Variants in ARID1A observed in about 807,000 individuals in gnomAD.
ARID1A encodes the protein AT-rich interaction domain 1A, also known as AT-rich interactive domain-containing protein 1A.
In ARID1A, 20 loss-of-function variants were observed where a neutral mutation model predicts 212.6. The ratio of observed to expected loss-of-function variants is 0.09; its 90% CI spans 0.07 to 0.14. ARID1A has a LOEUF of 0.14. Among genes scored for constraint, ARID1A ranks in the 10% least tolerant of loss-of-function variants. The pLI is 1.00. For synonymous variants in ARID1A, 1,376 were observed against 1,222.1 expected (o/e 1.13, Z -2.63); for missense variants, 2,587 against 3,059.0 (o/e 0.85, Z 3.64).
Position 26,763,211 on chromosome 1 carries a change from A to G in ARID1A, c.2658A>G (p.Pro886=), listed in dbSNP as rs1225579252. 2 of 1,614,030 alleles carry G rather than the reference A, an allele frequency of 1.2e-6. No homozygotes were observed. Among genetic ancestry groups the G allele is most frequent in the Non-Finnish European group, 1.7e-6 (2 of 1,179,878 alleles). ...PPQVGSGMCP[P]PGGMNRKTQE... ...AGGTTGGGTCAGGGATGTGTCCCCC[A>G]CCAGGGGGCATGAACCGGAAAACCC... The change falls in exon 8 of 20, where the codon CCA becomes CCG. Residue 886 remains proline, a synonymous_variant. Transcript: ENST00000324856.
In ARID1A at chr1:26,781,366, T is replaced by A. The variant is rs145352087; in HGVS notation, c.*610T>A. On this transcript the variant is annotated 3_prime_UTR_variant, in exon 20 of 20. Transcript: ENST00000324856. The stretch of plus-strand genomic sequence containing the variant: ...TACTGTACACCTGATACTGTAAACA[T>A]ACTGTAATAATAATGTCTCACATGG... The A allele has an allele frequency of 9.5e-4, 221 of 233,122 alleles. No individual in the cohort carries two copies. Among genetic ancestry groups the A allele is most frequent in the African/African-American group, 4.7e-3 (212 of 45,270 alleles). The allele number at this position is 233,122 out of a possible 1,614,324, so 14.4% of individuals were successfully genotyped here.
intron 4 of ARID1A, among the ~76,000 whole-genome samples, chr1:26,742,130 G>A (rs1375266247): frequency 6.6e-6 from 1 of 152,184 alleles, no homozygotes; most frequent in Non-Finnish European, 1.5e-5. Context: ...GAAAGACATG[G>A]ACAATCTGAT....
chr1:26,701,462 G>A (rs535224973), intron 1 of ARID1A, among the ~76,000 whole-genome samples: 2 of 152,250 alleles, frequency 1.3e-5, no homozygotes, highest in South Asian at 4.1e-4. Flanking sequence ...TGTGTGTTGC[G>A]TTAGTGGTAA....
chr1:26,766,070 C>T, intron 8 of ARID1A, 151 bp from the exon 9 acceptor site: 1 of 832,524 alleles, frequency 1.2e-6, no homozygotes, highest in Non-Finnish European at 1.8e-6. Flanking sequence ...AAAATAATAT[C>T]TGGATGTTGC....
At chr1:26,756,847 T>TG (rs2080943071) in intron 4 of ARID1A, among the ~76,000 whole-genome samples, 1 of 151,460 alleles carries the variant, frequency 6.6e-6, no homozygotes, top group South Asian at 2.1e-4. Flanking sequence ...GGACCATGGG[T>TG]GCCCGTCACC....
intron 1 of ARID1A, among the ~76,000 whole-genome samples, chr1:26,709,370 A>G (rs2080427240): frequency 6.6e-6 from 1 of 151,890 alleles, no homozygotes; most frequent in Non-Finnish European, 1.5e-5. Context: ...AATCTACCTC[A>G]CATTCTCCTC....
In ARID1A at chr1:26,696,527, G is replaced by C; in HGVS notation, c.124G>C (p.Ala42Pro). 8.1e-7 allele frequency: 1 copy of C among 1,227,760 alleles called. No individual in the cohort carries two copies. The highest frequency in any genetic ancestry group is 1.0e-6 in the Non-Finnish European group (1 of 987,272). The allele number at this position is 1,227,760 out of a possible 1,614,324, so 76.1% of individuals were successfully genotyped here. A position where few individuals can be genotyped will look rare whatever the true frequency, so the allele number is the denominator to read the frequency against. Reference sequence around the variant, plus strand: ...GGAGGCGGGGGGCGAGGCGGCGGCGGCGGCAGCGGCCGAGCGCGGGGAAAT... The same window carrying C: ...GGAGGCGGGGGGCGAGGCGGCGGCGCCGGCAGCGGCCGAGCGCGGGGAAAT... ...REEAGGEAAA[A>P]AAAERGEMKA... Residue 42 changes from alanine to proline, a missense_variant, in exon 1 of 20, where the codon GCG (alanine) becomes CCG (proline). By Grantham distance (27) the Ala-to-Pro change is conservative (BLOSUM62 -1). Transcript: ENST00000324856.
rs192385553 is a variant in ARID1A, at chr1:26,710,750, G to A, written c.1137+13210G>A. Among the ~76,000 whole-genome samples the A allele has an allele frequency of 3.6e-3, 550 of 152,272 alleles. 3 individuals carry two copies. The highest frequency in any genetic ancestry group is 0.013 in the African/African-American group (524 of 41,554). On this transcript the variant is annotated intron_variant, in intron 1 of 19. Transcript: ENST00000324856. Reference sequence around the variant, plus strand: ...GATTTATACATTTACACTCAACTGGGCTGCAGAGTATATCCAGATTACCTG... The same window carrying A: ...GATTTATACATTTACACTCAACTGGACTGCAGAGTATATCCAGATTACCTG...
chr1:26,770,978 C>T, intron 11 of ARID1A, 141 bp from the exon 12 acceptor site: 1 of 727,974 alleles, frequency 1.4e-6, no homozygotes, highest in Non-Finnish European at 2.2e-6. Context: ...GACTATCCAC[C>T]AAGCAAGATT....
At chr1:26,756,673 A>G (rs2080940846) in intron 4 of ARID1A, among the ~76,000 whole-genome samples, 1 of 151,432 alleles carries the variant, frequency 6.6e-6, no homozygotes, top group East Asian at 1.9e-4. Context: ...GCCATGGGGC[A>G]CTTTGGCTTC....
chr1:26,699,159 T>C (rs2080308415), intron 1 of ARID1A, among the ~76,000 whole-genome samples: 1 of 152,242 alleles, frequency 6.6e-6, no homozygotes, highest in Non-Finnish European at 1.5e-5. Flanking sequence ...CTTTGCATTT[T>C]AATGTATGTT....
intron 11 of ARID1A, chr1:26,770,828 C>T (rs772610109): frequency 1.0e-5 from 4 of 394,926 alleles, no homozygotes; most frequent in East Asian, 9.0e-5. Flanking sequence ...TTTTTAGCAG[C>T]GTACTAAAAA....
chr1:26,712,501 A>AT (rs1327859731), intron 1 of ARID1A, among the ~76,000 whole-genome samples: 3 of 152,180 alleles, frequency 2.0e-5, no homozygotes, highest in Non-Finnish European at 4.4e-5. Context: ...CCTTGGCAAC[A>AT]TAGCAAGACC....
chr1:26,714,395 CTTTTTTGT>C (rs1336187117), intron 1 of ARID1A, among the ~76,000 whole-genome samples: 4 of 148,090 alleles, frequency 2.7e-5, no homozygotes, highest in African/African-American at 9.8e-5. Flanking sequence ...CATCTATAAT[CTTTTTTGT>C]TTGTTTGTTT....
intron 4 of ARID1A, among the ~76,000 whole-genome samples, chr1:26,737,180 T>G (rs902563295): frequency 7.2e-5 from 11 of 151,996 alleles, no homozygotes; most frequent in African/African-American, 2.4e-4. Flanking sequence ...TAGTGGTTTA[T>G]TCTCGGCTCA....
At position 26,781,683 on chromosome 1, in the gene ARID1A, T is replaced by TTA. The variant is rs1473582132; in HGVS notation, c.*930_*931dup. ...TTTGGTCCTCCTCCCAGCTACCCCT[T>TTA]TATAGTATGACGAGTTAACAAGTTG... On this transcript the variant is annotated 3_prime_UTR_variant, in exon 20 of 20. Transcript: ENST00000324856. The TTA allele has an allele frequency of 4.3e-6, 1 of 233,560 alleles. No homozygotes were observed. Among genetic ancestry groups the TTA allele is most frequent in the Non-Finnish European group, 8.5e-6 (1 of 118,040 alleles). 14.5% of individuals were successfully genotyped at this position (233,560 alleles called of 1,614,324 possible). A position where few individuals can be genotyped will look rare whatever the true frequency, so the allele number is the denominator to read the frequency against.
chr1:26,723,026 A>C (rs1001949494), intron 1 of ARID1A, among the ~76,000 whole-genome samples: 3 of 152,138 alleles, frequency 2.0e-5, no homozygotes, highest in Non-Finnish European at 2.9e-5. Context: ...ATTTCTCCTC[A>C]ATTGGGGGCT....
intron 4 of ARID1A, among the ~76,000 whole-genome samples, chr1:26,754,343 T>TA (rs1263875411): frequency 6.6e-6 from 1 of 152,200 alleles, no homozygotes; most frequent in Non-Finnish European, 1.5e-5. Context: ...CTTCTGCCCT[T>TA]ACCACTCCCT....
At position 26,696,727 on chromosome 1, in the gene ARID1A, C is replaced by G. The variant is rs1044003329; in HGVS notation, c.324C>G (p.Gly108=). 2.2e-6 allele frequency: 3 copies of G among 1,374,754 alleles called. No homozygotes were observed. Among genetic ancestry groups the G allele is most frequent in the African/African-American group, 3.1e-5 (2 of 65,108 alleles). The allele number at this position is 1,374,754 out of a possible 1,614,324, so 85.2% of individuals were successfully genotyped here. The change falls in exon 1 of 20, where the codon GGC becomes GGG. Residue 108 remains glycine (G), a synonymous_variant. Transcript: ENST00000324856. The stretch of plus-strand genomic sequence containing the variant: ...TGAAGAACTCGAACGGGAACGCGGG[C>G]CCTAGGCCCGCCCTGAACAATAACC... The part of the protein sequence containing the change: ...PDLKNSNGNA[G]PRPALNNNLT...
Sources: allele counts gnomAD v4.1 joint callset (sites outside exome capture counted in the v4.1 genomes callset), GRCh38; gene constraint gnomAD v4.1.1; transcripts MANE v1.5; gene names NCBI Gene and HGNC (gene_info 2026-07-23, HGNC 2026-07-21).